Variants in LRRC2 observed in about 807,000 individuals in gnomAD.
The protein encoded by LRRC2 is leucine rich repeat containing 2, also known as leucine-rich repeat-containing protein 2.
Under a neutral mutation model 40.2 loss-of-function variants are expected in LRRC2, and 27 were observed. The ratio of observed to expected loss-of-function variants is 0.67; its 90% CI spans 0.49 to 0.93. LRRC2 has a LOEUF of 0.93. Among genes scored for constraint, LRRC2 ranks in the 40% least tolerant of loss-of-function variants. LRRC2 has a pLI of 0.00. For synonymous variants in LRRC2, 147 were observed against 158.9 expected, an observed-to-expected ratio of 0.92 and a Z score of 0.56; for missense variants, 402 against 439.6, an observed-to-expected ratio of 0.91 and a Z score of 0.76.
At chr3:46,543,965 A>G (rs1245391626) in intron 3 of LRRC2, among the ~76,000 whole-genome samples, 4 of 114,026 alleles carry the variant, frequency 3.5e-5, no homozygotes, top group South Asian at 6.3e-4. Flanking sequence ...CATCCTCTCA[A>G]TAGCACTCAG....
chr3:46,542,419 T>C (rs1234228590), intron 3 of LRRC2, among the ~76,000 whole-genome samples: 2 of 150,272 alleles, frequency 1.3e-5, no homozygotes, highest in East Asian at 3.9e-4. Context: ...ATCACTTGAG[T>C]CCAGGAGATA....
At chr3:46,532,144 C>G (rs1230448423) in intron 5 of LRRC2, among the ~76,000 whole-genome samples, 1 of 152,016 alleles carries the variant, frequency 6.6e-6, no homozygotes, top group East Asian at 1.9e-4. Flanking sequence ...TTCAATTTTA[C>G]CATTGTGGAT....
In LRRC2 at chr3:46,524,182, A is replaced by T. The variant is rs570913560; in HGVS notation, c.930-2524T>A. 9.8e-5 allele frequency among the ~76,000 whole-genome samples: 15 copies of T among 152,352 alleles called. No homozygotes were observed. In the South Asian group the frequency reaches 2.5e-3, roughly 25 times the overall value. On this transcript the variant is annotated intron_variant, in intron 7 of 8. Coordinates refer to ENST00000395905, the MANE Select transcript of LRRC2 (RefSeq NM_024512.5). ...TCATATCTGAGAATGAGACAGCAGA[A>T]TTTGGCTGGTCCCCTGAGTATGTAG...
At chr3:46,554,641 T>TAAAA (rs34382739) in intron 1 of LRRC2, among the ~76,000 whole-genome samples, 2 of 137,344 alleles carry the variant, frequency 1.5e-5, no homozygotes, top group East Asian at 2.2e-4. Context: ...GACTCTGTCT[T>TAAAA]AAAAAAAAAA....
chr3:46,532,419 A>C (rs956370506), intron 5 of LRRC2, among the ~76,000 whole-genome samples: 2 of 152,196 alleles, frequency 1.3e-5, no homozygotes, highest in Non-Finnish European at 2.9e-5. Context: ...AGCCTGGCCA[A>C]CATAGTGAAA....
intron 1 of LRRC2, among the ~76,000 whole-genome samples, chr3:46,551,866 A>G (rs1172212322): frequency 1.3e-5 from 2 of 149,694 alleles, no homozygotes; most frequent in Non-Finnish European, 3.0e-5. Flanking sequence ...TGGCACGATC[A>G]TAGCTCCAAC....
chr3:46,535,060 T>G (rs1256407537), intron 4 of LRRC2, among the ~76,000 whole-genome samples: 1 of 152,218 alleles, frequency 6.6e-6, no homozygotes, highest in East Asian at 1.9e-4. Flanking sequence ...GAAAATTGAT[T>G]TATTCTAGAT....
At chr3:46,565,414 CA>C (rs1159725671) in intron 1 of LRRC2, among the ~76,000 whole-genome samples, 1 of 151,472 alleles carries the variant, frequency 6.6e-6, no homozygotes, top group African/African-American at 2.4e-5. Context: ...CTAGCAAGAT[CA>C]AAAAAAAGTT....
chr3:46,555,082 G>A (rs1190016897), intron 1 of LRRC2, among the ~76,000 whole-genome samples: 5 of 151,764 alleles, frequency 3.3e-5, no homozygotes, highest in Admixed American at 3.3e-4. Context: ...TTTTTAATTG[G>A]GTTAATTGGT....
intron 1 of LRRC2, chr3:46,559,215 A>G (rs1704882194): frequency 1.3e-5 from 2 of 152,260 alleles, no homozygotes; most frequent in South Asian, 4.1e-4. Context: ...AAAAGTCTCC[A>G]TAAAGGAACG....
chr3:46,551,945 A>C (rs13087255), intron 1 of LRRC2, among the ~76,000 whole-genome samples: 56,089 of 151,534 alleles, frequency 0.37, 10,617 homozygotes, highest in South Asian at 0.52. Context: ...GGACTACAGG[A>C]TCACACCATC....
At chr3:46,552,587 C>T (rs1704684804) in intron 1 of LRRC2, among the ~76,000 whole-genome samples, 1 of 152,172 alleles carries the variant, frequency 6.6e-6, no homozygotes, top group Admixed American at 6.6e-5. Context: ...CTCCTCCTGC[C>T]TTCTTTCCTC....
At chr3:46,527,734 G>GA (rs1553612063) in intron 6 of LRRC2, among the ~76,000 whole-genome samples, 153 bp from the exon 7 acceptor site, 5 of 146,018 alleles carry the variant, frequency 3.4e-5, no homozygotes, top group Admixed American at 2.1e-4. Context: ...TTTGTTCTTC[G>GA]TTTTTTTTTT....
intron 3 of LRRC2, among the ~76,000 whole-genome samples, chr3:46,540,891 G>A (rs1287804140): frequency 6.6e-6 from 1 of 152,192 alleles, no homozygotes; most frequent in Non-Finnish European, 1.5e-5. Flanking sequence ...TCAGGGAGCT[G>A]ACCACAGGCT....
At chr3:46,544,958 A>G (rs1704493021) in intron 3 of LRRC2, 88 bp downstream of exon 3, 1 of 1,286,134 alleles carries the variant, frequency 7.8e-7, no homozygotes, top group Non-Finnish European at 1.1e-6. Context: ...CTCTAAAGGC[A>G]AAAGCATTCA....
chr3:46,533,893 CCTTT>C (rs1263199755), intron 4 of LRRC2, among the ~76,000 whole-genome samples: 7 of 145,944 alleles, frequency 4.8e-5, no homozygotes, highest in African/African-American at 1.5e-4. Flanking sequence ...TTCCTTCCTT[CCTTT>C]CTTTTCTTTT....
chr3:46,532,909 C>T lies in LRRC2; in HGVS notation c.491G>A (p.Gly164Asp). The T allele has an allele frequency of 6.2e-7, 1 of 1,613,002 alleles. No homozygotes were observed. Among genetic ancestry groups the T allele is most frequent in the South Asian group, 1.1e-5 (1 of 90,888 alleles). The change falls in exon 5 of 9, where the codon GGT (glycine) becomes GAT (aspartate). Residue 164 changes from glycine to aspartate, a missense_variant and splice_region_variant. Physicochemically the swap from Gly to Asp is moderately conservative, Grantham distance 94. Transcript: ENST00000395905. ...GAGTTCTTTCAGGTTCTTCAAACAA[C>T]CTGTCAGCAGAAAAAGTTAACATCC... is the stretch of plus-strand genomic sequence containing the variant. ...NQISHLPAEI[G>D]CLKNLKELNV...
chr3:46,554,600 C>T (rs1704745124), intron 1 of LRRC2, among the ~76,000 whole-genome samples: 1 of 150,256 alleles, frequency 6.7e-6, no homozygotes, highest in Non-Finnish European at 1.5e-5. Flanking sequence ...CGAGATCGTA[C>T]CAGCGCACTC....
chr3:46,549,996 T>C (rs1704609204), intron 2 of LRRC2, among the ~76,000 whole-genome samples: 1 of 152,238 alleles, frequency 6.6e-6, no homozygotes, highest in Non-Finnish European at 1.5e-5. Flanking sequence ...TAATTCTTTT[T>C]TGTTGTTTTT....
Sources: gnomAD v4.1 joint callset for allele counts (sites outside exome capture counted in the v4.1 genomes callset) on GRCh38, gnomAD v4.1.1 for gene constraint, MANE v1.5 for transcripts, NCBI Gene and HGNC (gene_info 2026-07-23, HGNC 2026-07-21) for gene names.